COTL1: variants seen among roughly 807,000 people sequenced by gnomAD.
COTL1 encodes coactosin like F-actin binding protein 1, also known as coactosin-like protein.
In COTL1, 15 loss-of-function variants were observed where a neutral mutation model predicts 16.5. The ratio of observed to expected loss-of-function variants is 0.91; its 90% confidence interval spans 0.61 to 1.40. COTL1 has a LOEUF of 1.40. COTL1 is among the 40% of genes most tolerant of loss of function. The pLI, the probability that COTL1 is intolerant of heterozygous loss-of-function variation, is 0.00. For synonymous variants in COTL1, 112 were observed against 85.3 expected (o/e 1.31, Z -1.73); for missense variants, 220 against 201.5 (o/e 1.09, Z -0.56).
chr16:84,601,327 T>A (rs1201989049), intron 2 of COTL1, among the ~76,000 whole-genome samples: 3 of 152,140 alleles, frequency 2.0e-5, no homozygotes, highest in Non-Finnish European at 4.4e-5. Context: ...GTGAATACCA[T>A]GAAATTACTG....
rs896385903 is a variant in COTL1, at chr16:84,565,643, G to A, written c.*1202C>T. 4 of 152,506 alleles carry A rather than the reference G, an allele frequency of 2.6e-5. No homozygotes were observed. The highest frequency in any genetic ancestry group is 7.2e-5 in the African/African-American group (3 of 41,400). The allele number at this position is 152,506 out of a possible 1,614,324, so 9.4% of individuals were successfully genotyped here. On this transcript the variant is annotated 3_prime_UTR_variant, in exon 4 of 4. Transcript: ENST00000262428. ...ATTTATTTCTGTAAACTGTCTGAGT[G>A]CAGAGATGTTCTTTACAATCCCAAT...
Position 84,571,255 on chromosome 16 carries a change from C to T in COTL1, c.319-4300G>A, listed in dbSNP as rs530631939. 2.4e-3 allele frequency among the ~76,000 whole-genome samples: 365 copies of T among 152,184 alleles called. 1 individual carries two copies. The highest frequency in any genetic ancestry group is 0.02 in the Middle Eastern group (6 of 294). ...CTGCCAAGGTGTACAGCCTGGGACT[C>T]GATGCAGCCCACGCCAGTGCAAAGC... is the stretch of plus-strand genomic sequence containing the variant. On this transcript the variant is annotated intron_variant, in intron 3 of 3. Transcript: ENST00000262428.
Position 84,566,867 on chromosome 16 carries a change from T to C in COTL1, c.407A>G (p.Asn136Ser), listed in dbSNP as rs2150677989. 6.2e-7 allele frequency: 1 copy of C among 1,613,504 alleles called. No individual in the cohort carries two copies. Among genetic ancestry groups the C allele is most frequent in the African/African-American group, 1.3e-5 (1 of 74,968 alleles). ...KSELKKAGGA[N>S]YDAQTE is the part of the protein sequence containing the mutation. ...GGGTTACTCCGTCTGGGCGTCGTAA[T>C]TGGCTCCCCCCGCCTTCTTCAGCTC... Residue 136 changes from asparagine to serine, a missense_variant, in exon 4 of 4, where the codon AAT becomes AGT. By Grantham distance (46) the Asn-to-Ser change is conservative (BLOSUM62 1). Coordinates refer to ENST00000262428, the MANE Select transcript of COTL1 (RefSeq NM_021149.5).
intron 1 of COTL1, 98 bp from the exon 2 acceptor site, chr16:84,617,681 A>T: frequency 7.1e-7 from 1 of 1,412,410 alleles, no homozygotes; most frequent in Non-Finnish European, 9.8e-7. Flanking sequence ...CGCGCTGGCC[A>T]CGGAGAAGCC....
At chr16:84,582,754 C>T (rs571893769) in intron 3 of COTL1, among the ~76,000 whole-genome samples, 1 of 151,718 alleles carries the variant, frequency 6.6e-6, no homozygotes, top group South Asian at 2.1e-4. Flanking sequence ...ATCATTCCAA[C>T]CACTCTGTGA....
intron 2 of COTL1, among the ~76,000 whole-genome samples, chr16:84,605,577 G>A (rs1905196254): frequency 6.6e-6 from 1 of 152,206 alleles, no homozygotes. Context: ...GGGAAGGGTG[G>A]GGAAGAGGGC....
chr16:84,566,916 G>C lies in COTL1; in HGVS notation c.358C>G (p.Leu120Val), dbSNP rs1259852418. The C allele has an allele frequency of 1.2e-5, 19 of 1,613,846 alleles. No homozygotes were observed. Among genetic ancestry groups the C allele is most frequent in the African/African-American group, 4.0e-5 (3 of 74,904 alleles). Reference sequence around the variant, plus strand: ...TCGCTCTTGATGAAATCTTCCTCCAGCTCCTTCCGATCACTGATCACAAAC... The same window carrying C: ...TCGCTCTTGATGAAATCTTCCTCCACCTCCTTCCGATCACTGATCACAAAC... The part of the protein sequence containing the change: ...KEFVISDRKE[L>V]EEDFIKSELK... Residue 120 changes from leucine (L) to valine (V), a missense_variant, in exon 4 of 4, where the codon CTG becomes GTG. Physicochemically the swap from Leu to Val is conservative, Grantham distance 32. Coordinates refer to ENST00000262428, the MANE Select transcript of COTL1 (RefSeq NM_021149.5).
At chr16:84,567,032 C>G (rs1242648430) in intron 3 of COTL1, 77 bp from the exon 4 acceptor site, 12 of 985,244 alleles carry the variant, frequency 1.2e-5, no homozygotes, top group Non-Finnish European at 1.6e-5. Context: ...AGGCAACACA[C>G]TGGGAAGCAA....
chr16:84,568,948 A>T (rs1904310235), intron 3 of COTL1: 1 of 152,248 alleles, frequency 6.6e-6, no homozygotes, highest in South Asian at 2.1e-4. Flanking sequence ...TTTTGGGGTG[A>T]TGAAAAAGTT....
chr16:84,571,438 C>G (rs989094369), intron 3 of COTL1, among the ~76,000 whole-genome samples: 4 of 152,180 alleles, frequency 2.6e-5, no homozygotes, highest in Admixed American at 6.5e-5. Context: ...GCGAGTGACA[C>G]CATGAGGCTG....
At chr16:84,578,694 T>C (rs1395916073) in intron 3 of COTL1, among the ~76,000 whole-genome samples, 1 of 146,572 alleles carries the variant, frequency 6.8e-6, no homozygotes, top group African/African-American at 2.5e-5. Context: ...CACACAGGAA[T>C]GTACCCACAC....
intron 3 of COTL1, among the ~76,000 whole-genome samples, chr16:84,581,055 T>A (rs1376980556): frequency 6.6e-6 from 1 of 151,688 alleles, no homozygotes; most frequent in African/African-American, 2.4e-5. Context: ...GGCAGGAGAA[T>A]CGCCTGAACC....
chr16:84,587,250 T>C (rs1008411631), intron 3 of COTL1, among the ~76,000 whole-genome samples: 2 of 152,190 alleles, frequency 1.3e-5, no homozygotes, highest in African/African-American at 4.8e-5. Flanking sequence ...GAACGCTGAC[T>C]ACATGTGAAA....
rs8047374 is a variant in COTL1, at chr16:84,593,312, G to T, written c.161-3050C>A. On this transcript the variant is annotated intron_variant, in intron 2 of 3. Coordinates refer to ENST00000262428, the MANE Select transcript of COTL1 (RefSeq NM_021149.5). ...GGACACTGCGCAGGTGAATCCACAG[G>T]GCCTGGTGACCAACTGGATGTGAGA... is the stretch of plus-strand genomic sequence containing the variant. 4.4e-3 allele frequency among the ~76,000 whole-genome samples: 674 copies of T among 152,282 alleles called. 8 individuals carry two copies. The highest frequency in any genetic ancestry group is 0.016 in the African/African-American group (656 of 41,554).
chr16:84,573,339 G>T (rs1197544402), intron 3 of COTL1, among the ~76,000 whole-genome samples: 4 of 152,238 alleles, frequency 2.6e-5, no homozygotes, highest in Non-Finnish European at 4.4e-5. Flanking sequence ...GGTCTAGACA[G>T]AACACGAAAG....
At chr16:84,572,933 G>C (rs1005321223) in intron 3 of COTL1, among the ~76,000 whole-genome samples, 3 of 131,460 alleles carry the variant, frequency 2.3e-5, no homozygotes, top group African/African-American at 8.2e-5. Flanking sequence ...TTTTTTTTTT[G>C]GTAGATAATG....
At chr16:84,603,500 G>C (rs898207269) in intron 2 of COTL1, among the ~76,000 whole-genome samples, 1 of 152,158 alleles carries the variant, frequency 6.6e-6, no homozygotes, top group Admixed American at 6.5e-5. Flanking sequence ...TCTCCTCATC[G>C]GTGACACAGC....
rs560808482 is a variant in COTL1, at chr16:84,590,929, G to A, written c.161-667C>T. 3.3e-5 allele frequency among the ~76,000 whole-genome samples: 5 copies of A among 152,256 alleles called. No individual in the cohort carries two copies. The East Asian group carries it at 9.7e-4, about 29-fold the overall frequency. On this transcript the variant is annotated intron_variant, in intron 2 of 3. Transcript: ENST00000262428. The surrounding 1 kb of genome is among the most constrained non-coding windows in gnomAD (Gnocchi z 5.5). ...ATGGCTCCGAGGATATTTCACTTAT[G>A]ACTAGGGCAATTAGGTCAACAATGA... is the stretch of plus-strand genomic sequence containing the variant.
intron 2 of COTL1, among the ~76,000 whole-genome samples, chr16:84,604,733 G>C (rs28414050): frequency 6.6e-6 from 1 of 152,182 alleles, no homozygotes; most frequent in Admixed American, 6.5e-5. Context: ...TGGCTGTAGG[G>C]GTCACACAGG....
Sources: allele counts gnomAD v4.1 joint callset (sites outside exome capture counted in the v4.1 genomes callset), GRCh38; gene constraint gnomAD v4.1.1; non-coding constraint Gnocchi (gnomAD v3.1); transcripts MANE v1.5; gene names NCBI Gene and HGNC (gene_info 2026-07-23, HGNC 2026-07-21).